Variants in ROCK1 observed in about 807,000 individuals in gnomAD.
ROCK1 encodes the protein rho-associated protein kinase 1.
In ROCK1, 36 loss-of-function variants were observed where a neutral mutation model predicts 196.8. The ratio of observed to expected loss-of-function variants is 0.18; its 90% CI spans 0.14 to 0.24. The LOEUF is 0.24. ROCK1 is among the 10% of genes least tolerant of loss of function. ROCK1 has a pLI of 1.00. For missense variants in ROCK1, 920 were observed against 1,562.0 expected, an observed-to-expected ratio of 0.59 and a Z score of 6.93; for synonymous variants, 443 against 515.9, an observed-to-expected ratio of 0.86 and a Z score of 1.91.
At chr18:21,019,212 G>A (rs539726881) in intron 12 of ROCK1, among the ~76,000 whole-genome samples, 1 of 152,160 alleles carries the variant, frequency 6.6e-6, no homozygotes, top group South Asian at 2.1e-4. Flanking sequence ...GGAGTGCAAC[G>A]GTGTGATCTC....
intron 2 of ROCK1, among the ~76,000 whole-genome samples, chr18:21,053,427 T>C (rs2036221078): frequency 6.6e-6 from 1 of 152,220 alleles, no homozygotes; most frequent in African/African-American, 2.4e-5. Context: ...AGTCTGGGAA[T>C]GTCCAAAGTA....
chr18:21,045,138 G>A, intron 5 of ROCK1, 154 bp downstream of exon 5: 1 of 571,438 alleles, frequency 1.7e-6, no homozygotes, highest in Non-Finnish European at 2.8e-6. Context: ...TGGGATTACA[G>A]GCGTGAGGCA....
At chr18:21,031,240 G>A (rs774484337) in intron 9 of ROCK1, among the ~76,000 whole-genome samples, 5 of 152,094 alleles carry the variant, frequency 3.3e-5, no homozygotes, top group Non-Finnish European at 5.9e-5. Flanking sequence ...ACAATGTCCA[G>A]TTTACAACAA....
chr18:20,971,721 G>T (rs1379037600), intron 22 of ROCK1, among the ~76,000 whole-genome samples: 1 of 148,970 alleles, frequency 6.7e-6, no homozygotes, highest in Non-Finnish European at 1.5e-5. Context: ...AATAAATAAA[G>T]AGACACAGCA....
rs1196084720 is a variant in ROCK1, at chr18:20,959,075, AAT to A, written c.3512+763_3512+764del. The stretch of plus-strand genomic sequence containing the variant: ...ATATATATTATATTTTATATTATAT[AAT>A]ATATATATTTTATATAATATATATA... On this transcript the variant is annotated intron_variant, in intron 29 of 32. Transcript: ENST00000399799. 3.1e-4 allele frequency among the ~76,000 whole-genome samples: 14 copies of A among 45,220 alleles called. 1 individual carries two copies. Among genetic ancestry groups the A allele is most frequent in the South Asian group, 1.1e-3 (2 of 1,816 alleles). The allele number at this position is 45,220 out of a possible 152,430, so 29.7% of individuals were successfully genotyped here. A position where few individuals can be genotyped will look rare whatever the true frequency, so the allele number is the denominator to read the frequency against.
chr18:20,958,901 A>T (rs1382256396), intron 29 of ROCK1, among the ~76,000 whole-genome samples: 2 of 106,774 alleles, frequency 1.9e-5, no homozygotes, highest in Non-Finnish European at 3.5e-5. Context: ...ATTTATTTAT[A>T]TATATATATT....
chr18:21,039,725 T>C (rs2036088809), intron 8 of ROCK1, among the ~76,000 whole-genome samples, 162 bp from the exon 9 acceptor site: 1 of 152,076 alleles, frequency 6.6e-6, no homozygotes, highest in African/African-American at 2.4e-5. Flanking sequence ...ATAGAAAATA[T>C]GTTAAAGATT....
At chr18:20,976,353 G>A (rs995131943) in intron 22 of ROCK1, among the ~76,000 whole-genome samples, 2 of 152,140 alleles carry the variant, frequency 1.3e-5, no homozygotes, top group South Asian at 2.1e-4. Flanking sequence ...CAAATGCCTA[G>A]AAAATTGTCT....
intron 1 of ROCK1, among the ~76,000 whole-genome samples, chr18:21,086,061 A>T (rs571679117): frequency 6.6e-6 from 1 of 152,110 alleles, no homozygotes; most frequent in South Asian, 2.1e-4. Context: ...TATTTTGGGG[A>T]AAAATAAATA....
In ROCK1 at chr18:21,042,694, A is replaced by G; in HGVS notation, c.691T>C (p.Cys231Arg). 1 of 1,611,894 alleles carries G rather than the reference A, an allele frequency of 6.2e-7. No individual in the cohort carries two copies. Among genetic ancestry groups the G allele is most frequent in the Non-Finnish European group, 8.5e-7 (1 of 1,178,966 alleles). Residue 231 changes from cysteine (C) to arginine (R), a missense_variant, in exon 7 of 33, where the codon TGT becomes CGT. Coordinates refer to ENST00000399799, the MANE Select transcript of ROCK1 (RefSeq NM_005406.3). ...MKMNKEGMVR[C>R]DTAVGTPDYI... Reference sequence around the variant, plus strand: ...TCAGGTGTTCCAACCGCTGTATCACATCGTACCATGCCTTCCTAAAAAGCG... The same window carrying G: ...TCAGGTGTTCCAACCGCTGTATCACGTCGTACCATGCCTTCCTAAAAAGCG...
intron 1 of ROCK1, among the ~76,000 whole-genome samples, chr18:21,110,533 C>T (rs569191437): frequency 6.6e-6 from 1 of 152,216 alleles, no homozygotes; most frequent in African/African-American, 2.4e-5. Context: ...GACGTGATAA[C>T]TTTTTATAGG....
chr18:21,084,578 GTTA>G (rs2036510734), intron 1 of ROCK1, among the ~76,000 whole-genome samples: 1 of 152,130 alleles, frequency 6.6e-6, no homozygotes, highest in East Asian at 1.9e-4. Context: ...CATTAGGATA[GTTA>G]TTATTTTAAA....
intron 14 of ROCK1, 146 bp downstream of exon 14, chr18:21,007,913 A>G (rs1445509317): frequency 5.7e-6 from 2 of 349,284 alleles, no homozygotes; most frequent in Admixed American, 4.8e-5. Flanking sequence ...TTAATATGTT[A>G]TAAATTTAAC....
At chr18:21,101,603 C>T (rs1021913563) in intron 1 of ROCK1, among the ~76,000 whole-genome samples, 3 of 152,128 alleles carry the variant, frequency 2.0e-5, no homozygotes, top group East Asian at 3.8e-4. Context: ...TACCACTGAC[C>T]TAGTTCCTTC....
chr18:20,968,311 C>CT (rs545840133), intron 25 of ROCK1, among the ~76,000 whole-genome samples: 2,817 of 145,504 alleles, frequency 0.019, 44 homozygotes, highest in African/African-American at 0.039. Flanking sequence ...AATCCTATTT[C>CT]TTTTTTTTTT....
At position 21,042,217 on chromosome 18, in the gene ROCK1, G is replaced by A; in HGVS notation, c.839C>T (p.Ala280Val). 6.4e-7 allele frequency: 1 copy of A among 1,574,000 alleles called. No individual in the cohort carries two copies. Among genetic ancestry groups the A allele is most frequent in the Non-Finnish European group, 8.6e-7 (1 of 1,166,358 alleles). ...ACTGTAAGTTCCAACCAAAGAATCT[G>A]CATAAAAAGGTGTATCACCTGAAAA... ...EMLVGDTPFY[A>V]DSLVGTYSKI... is the part of the protein sequence containing the mutation. Residue 280 changes from alanine (A) to valine (V), a missense_variant, in exon 8 of 33, where the codon GCA becomes GTA. Physicochemically the swap from Ala to Val is moderately conservative, Grantham distance 64 (BLOSUM62 0). Coordinates refer to ENST00000399799, the MANE Select transcript of ROCK1 (RefSeq NM_005406.3).
chr18:20,981,101 T>C (rs1275713944), intron 21 of ROCK1, among the ~76,000 whole-genome samples: 2 of 151,188 alleles, frequency 1.3e-5, no homozygotes, highest in Non-Finnish European at 3.0e-5. Flanking sequence ...GGTAAAGAAA[T>C]ATCCACAAAA....
Position 21,111,782 on chromosome 18 carries a change from G to C in ROCK1, c.-872C>G, listed in dbSNP as rs1312808957. 1 of 151,918 alleles carries C rather than the reference G, an allele frequency of 6.6e-6. No individual in the cohort carries two copies. Among genetic ancestry groups the C allele is most frequent in the Non-Finnish European group, 1.5e-5 (1 of 68,050 alleles). 9.4% of individuals were successfully genotyped at this position (151,918 alleles called of 1,614,324 possible). On this transcript the variant is annotated 5_prime_UTR_variant, in exon 1 of 33. Transcript: ENST00000399799. This position sits in a 1 kb window ranked among gnomAD's most constrained non-coding sequence, Gnocchi z 4.2. ...GAGGGACTAATATGTCCGCCTTCCT[G>C]TTCAAACAAACGGAGACCGCCGGGG...
chr18:21,095,011 T>C (rs1819631766), intron 1 of ROCK1, among the ~76,000 whole-genome samples: 2 of 142,336 alleles, frequency 1.4e-5, no homozygotes, highest in Admixed American at 7.1e-5. Context: ...GACTGCGCCA[T>C]TGCACTCCAG....
Sources: gnomAD v4.1 joint callset for allele counts (sites outside exome capture counted in the v4.1 genomes callset) on GRCh38, gnomAD v4.1.1 for gene constraint, Gnocchi (gnomAD v3.1) non-coding constraint, MANE v1.5 for transcripts, NCBI Gene and HGNC (gene_info 2026-07-23, HGNC 2026-07-21) for gene names.